Variants in KDM4B observed in about 807,000 individuals in gnomAD.
KDM4B encodes the protein lysine-specific demethylase 4B.
A neutral mutation model predicts 125.2 loss-of-function variants in KDM4B; 32 were observed. The observed-to-expected ratio is 0.26, with a 90% confidence interval of 0.19 to 0.34. The LOEUF is 0.34. Ranked by LOEUF, KDM4B falls within the 10% of genes least tolerant of loss-of-function variation. The pLI, the probability that KDM4B is intolerant of heterozygous loss-of-function variation, is 1.00. For missense variants in KDM4B, 1,190 were observed against 1,577.7 expected (o/e 0.75, Z 4.16); for synonymous variants, 721 against 677.9 (o/e 1.06, Z -0.99).
chr19:5,060,699 C>T (rs906433931), intron 6 of KDM4B, among the ~76,000 whole-genome samples: 12 of 152,088 alleles, frequency 7.9e-5, no homozygotes, highest in African/African-American at 2.4e-4. Context: ...ACGGCAGGCA[C>T]GTGAGGGAGG....
At chr19:5,017,031 GGCGGCC>G (rs1244444797) in intron 2 of KDM4B, among the ~76,000 whole-genome samples, 1 of 152,234 alleles carries the variant, frequency 6.6e-6, no homozygotes, top group African/African-American at 2.4e-5. Flanking sequence ...CAGTGGCAGC[GGCGGCC>G]GGCAGAGCAC....
At chr19:5,146,725 G>A (rs997229183) in intron 21 of KDM4B, among the ~76,000 whole-genome samples, 14 of 146,940 alleles carry the variant, frequency 9.5e-5, no homozygotes, top group Non-Finnish European at 1.9e-4. Context: ...CTAAGAGTTC[G>A]AGACCAGCCT....
intron 21 of KDM4B, among the ~76,000 whole-genome samples, chr19:5,146,815 C>T (rs1213198547): frequency 2.9e-5 from 4 of 137,390 alleles, no homozygotes; most frequent in Non-Finnish European, 6.2e-5. Context: ...GTAGTGTGCG[C>T]GTGTAGTCTC....
At chr19:5,148,789 G>C (rs886689453) in intron 21 of KDM4B, among the ~76,000 whole-genome samples, 9 of 152,212 alleles carry the variant, frequency 5.9e-5, no homozygotes, top group African/African-American at 2.2e-4. Context: ...TCCGACACTA[G>C]GACTCCTTCA....
Position 5,153,562 on chromosome 19 carries a change from G to A in KDM4B, c.*2051G>A, listed in dbSNP as rs1445472911. ...TTTTGCCTAATGTCCCTGCCTCTAG[G>A]TTCATAATGAATTAAAGGTTCATGA... On this transcript the variant is annotated 3_prime_UTR_variant, in exon 23 of 23. Coordinates refer to ENST00000159111, the MANE Select transcript of KDM4B (RefSeq NM_015015.3). The A allele has an allele frequency of 6.6e-6, 1 of 152,248 alleles. No homozygotes were observed. Among genetic ancestry groups the A allele is most frequent in the Non-Finnish European group, 1.5e-5 (1 of 68,064 alleles). The allele number at this position is 152,248 out of a possible 1,614,324, so 9.4% of individuals were successfully genotyped here.
chr19:5,071,083 C>T (rs761222986), intron 7 of KDM4B, 24 bp downstream of exon 7: 21 of 1,610,514 alleles, frequency 1.3e-5, no homozygotes, highest in Non-Finnish European at 1.7e-5. Flanking sequence ...CTGAGGGCCC[C>T]AGGGACCTGG....
At chr19:5,122,369 ACCTGAATATT>A (rs1248302135) in intron 11 of KDM4B, among the ~76,000 whole-genome samples, 3 of 151,996 alleles carry the variant, frequency 2.0e-5, no homozygotes, top group Non-Finnish European at 4.4e-5. Context: ...ACTGAGTCCC[ACCTGAATATT>A]CCTTCTGCCA....
intron 3 of KDM4B, 49 bp from the exon 4 acceptor site, chr19:5,039,787 C>T: frequency 6.3e-7 from 1 of 1,587,294 alleles, no homozygotes; most frequent in Non-Finnish European, 8.6e-7. Context: ...CTCTCTGGCC[C>T]TGCCCTGAGG....
At chr19:5,150,590 C>T in intron 22 of KDM4B, 140 bp downstream of exon 22, 2 of 620,916 alleles carry the variant, frequency 3.2e-6, no homozygotes, top group Non-Finnish European at 5.6e-6. Flanking sequence ...TCCCGGCCGC[C>T]CCAGCACAGC....
rs1447854095 is a variant in KDM4B at position 5,057,061 on chromosome 19, T to TGC, written c.626+9393_626+9394insCG. Among the ~76,000 whole-genome samples, 12 of 132,952 alleles carry TGC rather than the reference T, an allele frequency of 9.0e-5. No individual in the cohort carries two copies. In the East Asian group the frequency reaches 1.0e-3, roughly 11 times the overall value. 87.2% of individuals were successfully genotyped at this position (132,952 alleles called of 152,430 possible). A position where few individuals can be genotyped will look rare whatever the true frequency, so the allele number is the denominator to read the frequency against. Reference sequence around the variant, plus strand: ...GTGTGTGTGTGTGTGTGTGTGTGTGTGTGTGCGCGCGCGCGCGTATGTTAG... The same window carrying TGC: ...GTGTGTGTGTGTGTGTGTGTGTGTGTGCGTGTGCGCGCGCGCGCGTATGTTAG... On this transcript the variant is annotated intron_variant, in intron 6 of 22. Transcript: ENST00000159111.
chr19:4,977,022 T>G (rs2034469833), intron 1 of KDM4B, among the ~76,000 whole-genome samples: 1 of 152,032 alleles, frequency 6.6e-6, no homozygotes, highest in South Asian at 2.1e-4. Flanking sequence ...CTTTTTTTCT[T>G]TTTCTTTTTC....
At chr19:5,063,550 T>C (rs2037671481) in intron 6 of KDM4B, among the ~76,000 whole-genome samples, 1 of 152,136 alleles carries the variant, frequency 6.6e-6, no homozygotes, top group South Asian at 2.1e-4. Flanking sequence ...CTCTTCAGGG[T>C]TTCTGGTGGG....
chr19:5,095,848 C>G (rs1349645605), intron 9 of KDM4B, among the ~76,000 whole-genome samples: 2 of 152,332 alleles, frequency 1.3e-5, no homozygotes, highest in Middle Eastern at 6.8e-3. Context: ...CACTTATGTG[C>G]GAGCATGTCG....
chr19:4,988,098 A>G (rs560474764), intron 1 of KDM4B, among the ~76,000 whole-genome samples: 25 of 152,298 alleles, frequency 1.6e-4, no homozygotes, highest in South Asian at 4.1e-4. Flanking sequence ...AAAGCGGTGC[A>G]GGGGCAGGAG....
At chr19:5,002,568 G>A (rs918304273) in intron 1 of KDM4B, among the ~76,000 whole-genome samples, 5 of 151,052 alleles carry the variant, frequency 3.3e-5, no homozygotes, top group African/African-American at 1.2e-4. Flanking sequence ...TGCCCACGCT[G>A]GTCTCAAACT....
chr19:4,993,266 C>T (rs988645102), intron 1 of KDM4B, among the ~76,000 whole-genome samples: 3 of 152,034 alleles, frequency 2.0e-5, no homozygotes, highest in African/African-American at 7.2e-5. Context: ...AAAAATTAGC[C>T]GAGTGTGGTG....
intron 2 of KDM4B, among the ~76,000 whole-genome samples, chr19:5,018,209 T>C (rs1372593419): frequency 6.6e-6 from 1 of 152,168 alleles, no homozygotes; most frequent in Non-Finnish European, 1.5e-5. Context: ...GGCTAATTTT[T>C]TTATTTTTTG....
chr19:5,111,243 C>G (rs758085406), intron 10 of KDM4B: 1 of 627,716 alleles, frequency 1.6e-6, no homozygotes, highest in African/African-American at 1.8e-5. Flanking sequence ...CCCTCCCTGG[C>G]GCTGAGAGCA....
chr19:5,061,290 G>A (rs1599532494), intron 6 of KDM4B, among the ~76,000 whole-genome samples: 1 of 152,194 alleles, frequency 6.6e-6, no homozygotes, highest in South Asian at 2.1e-4. Flanking sequence ...GACTCTGCTG[G>A]TCTCCTGTGT....
Sources: allele counts gnomAD v4.1 joint callset (sites outside exome capture counted in the v4.1 genomes callset), GRCh38; gene constraint gnomAD v4.1.1; transcripts MANE v1.5; gene names NCBI Gene and HGNC (gene_info 2026-07-23, HGNC 2026-07-21).